The following PLCB1 variants were observed in gnomAD, a reference collection of about 807,000 sequenced individuals.
PLCB1 encodes 1-phosphatidylinositol 4,5-bisphosphate phosphodiesterase beta-1.
In PLCB1, 46 loss-of-function variants were observed where a neutral mutation model predicts 161.8. That is an observed-to-expected ratio of 0.28 (90% confidence interval 0.22 to 0.36). PLCB1 has a LOEUF of 0.36. PLCB1 is among the 10% of genes least tolerant of loss of function. The pLI, the probability that PLCB1 is intolerant of heterozygous loss-of-function variation, is 1.00. For synonymous variants in PLCB1, 517 were observed against 503.7 expected, an observed-to-expected ratio of 1.03 and a Z score of -0.35; for missense variants, 1,016 against 1,472.5, an observed-to-expected ratio of 0.69 and a Z score of 5.07.
At chr20:8,529,003 T>C (rs1020174118) in intron 3 of PLCB1, among the ~76,000 whole-genome samples, 1 of 152,012 alleles carries the variant, frequency 6.6e-6, no homozygotes, top group Non-Finnish European at 1.5e-5. Flanking sequence ...TTCCTCATTG[T>C]GGACGGGTAG....
At chr20:8,780,381 G>A (rs918222393) in intron 27 of PLCB1, among the ~76,000 whole-genome samples, 2 of 152,162 alleles carry the variant, frequency 1.3e-5, no homozygotes, top group Non-Finnish European at 1.5e-5. Context: ...CCTTTTTAGC[G>A]GCTTTACAAA....
intron 3 of PLCB1, among the ~76,000 whole-genome samples, chr20:8,623,639 C>G (rs1988247317): frequency 6.6e-6 from 1 of 151,938 alleles, no homozygotes; most frequent in Non-Finnish European, 1.5e-5. Flanking sequence ...TCTACTCCCT[C>G]TAGTTAAAAA....
At chr20:8,862,382 G>A (rs770021271) in intron 31 of PLCB1, among the ~76,000 whole-genome samples, 1 of 152,102 alleles carries the variant, frequency 6.6e-6, no homozygotes, top group African/African-American at 2.4e-5. Context: ...CATTTTATTC[G>A]CAGCCTGTCT....
At chr20:8,283,298 C>A (rs994081180) in intron 2 of PLCB1, among the ~76,000 whole-genome samples, 30 of 152,102 alleles carry the variant, frequency 2.0e-4, no homozygotes, top group African/African-American at 7.0e-4. Flanking sequence ...AGAGAGCTAG[C>A]AATCTTTCCC....
intron 1 of PLCB1, among the ~76,000 whole-genome samples, chr20:8,148,066 A>G (rs1380722527): frequency 1.3e-5 from 2 of 152,038 alleles, no homozygotes; most frequent in Non-Finnish European, 2.9e-5. Flanking sequence ...CGCCACCAAG[A>G]TTTTGATTAG....
chr20:8,736,948 C>T (rs1980616582), intron 19 of PLCB1, 80 bp from the exon 20 acceptor site: 1 of 1,055,538 alleles, frequency 9.5e-7, no homozygotes, highest in Non-Finnish European at 1.4e-6. Context: ...GCATTTGTGG[C>T]TCTTTAAAGT....
chr20:8,478,198 G>T (rs1036382552), intron 3 of PLCB1, among the ~76,000 whole-genome samples: 5 of 152,192 alleles, frequency 3.3e-5, no homozygotes, highest in African/African-American at 4.8e-5. Flanking sequence ...TTTGTGCCTA[G>T]CATCATGCTA....
chr20:8,840,609 C>G (rs1458670765), intron 31 of PLCB1, among the ~76,000 whole-genome samples: 4 of 152,184 alleles, frequency 2.6e-5, no homozygotes, highest in Non-Finnish European at 5.9e-5. Flanking sequence ...CATAACTTCA[C>G]TTTGGCCTGC....
chr20:8,316,762 T>A (rs12481345), intron 2 of PLCB1, among the ~76,000 whole-genome samples: 4,830 of 152,152 alleles, frequency 0.032, 89 homozygotes, highest in Middle Eastern at 0.075. Flanking sequence ...GAAGTTGAAT[T>A]TTTTTCCTCA....
At chr20:8,528,847 C>G (rs1166350811) in intron 3 of PLCB1, among the ~76,000 whole-genome samples, 4 of 151,746 alleles carry the variant, frequency 2.6e-5, no homozygotes, top group South Asian at 2.1e-4. Flanking sequence ...AGTGCTGCGA[C>G]AATTCCCAGA....
At chr20:8,397,857 T>A (rs77712987) in intron 3 of PLCB1, among the ~76,000 whole-genome samples, 1,920 of 152,242 alleles carry the variant, frequency 0.013, 42 homozygotes, top group African/African-American at 0.043. Flanking sequence ...TTTTTCAGTC[T>A]TCTGTGAATG....
At chr20:8,345,861 T>C (rs1359801389) in intron 2 of PLCB1, among the ~76,000 whole-genome samples, 6 of 152,180 alleles carry the variant, frequency 3.9e-5, no homozygotes, top group Non-Finnish European at 7.3e-5. Context: ...ATGATATCAC[T>C]CTTTCCTCTT....
chr20:8,558,403 A>T (rs1168575475), intron 3 of PLCB1, among the ~76,000 whole-genome samples: 2 of 151,760 alleles, frequency 1.3e-5, no homozygotes, highest in African/African-American at 2.4e-5. Context: ...ACTGAAGGAT[A>T]AAAAAAGAAT....
chr20:8,350,918 T>C (rs573951494), intron 2 of PLCB1, among the ~76,000 whole-genome samples: 1 of 152,294 alleles, frequency 6.6e-6, no homozygotes, highest in African/African-American at 2.4e-5. Context: ...TGTAAAGATA[T>C]TAATTTTTTT....
intron 3 of PLCB1, among the ~76,000 whole-genome samples, chr20:8,384,117 T>A (rs532027196): frequency 5.3e-5 from 8 of 152,282 alleles, no homozygotes; most frequent in African/African-American, 1.7e-4. Context: ...GAAGTGTGTT[T>A]TCCAGCTTCT....
At chr20:8,297,770 AAG>A (rs1369445156) in intron 2 of PLCB1, among the ~76,000 whole-genome samples, 1 of 152,124 alleles carries the variant, frequency 6.6e-6, no homozygotes, top group African/African-American at 2.4e-5. Flanking sequence ...TTGGTCAGTC[AAG>A]AGCTATTAAT....
At chr20:8,438,933 A>C (rs1203238076) in intron 3 of PLCB1, among the ~76,000 whole-genome samples, 1 of 152,164 alleles carries the variant, frequency 6.6e-6, no homozygotes, top group African/African-American at 2.4e-5. Context: ...ACCTTCAGTC[A>C]CTGCCTCTTT....
At chr20:8,307,648 C>T (rs1425831761) in intron 2 of PLCB1, among the ~76,000 whole-genome samples, 2 of 151,982 alleles carry the variant, frequency 1.3e-5, no homozygotes, top group Non-Finnish European at 2.9e-5. Context: ...GGGCTGGGCA[C>T]GGTGGCTCAC....
intron 4 of PLCB1, 26 bp downstream of exon 4, chr20:8,628,457 C>T: frequency 6.2e-7 from 1 of 1,612,440 alleles, no homozygotes; most frequent in Non-Finnish European, 8.5e-7. Flanking sequence ...ATTGCTAAAG[C>T]TTATCATCAT....
Sources: gnomAD v4.1 joint callset for allele counts (sites outside exome capture counted in the v4.1 genomes callset) on GRCh38, gnomAD v4.1.1 for gene constraint, MANE v1.5 for transcripts, NCBI Gene and HGNC (gene_info 2026-07-23, HGNC 2026-07-21) for gene names.